Variants in RIN3 observed in about 807,000 individuals in gnomAD.
The protein encoded by RIN3 is RAB5 interacting protein 3.
RIN3 carries 54 observed loss-of-function variants against 76.3 expected under a neutral mutation model. The ratio of observed to expected loss-of-function variants is 0.71; its 90% CI spans 0.57 to 0.89. The LOEUF is 0.89. Among genes scored for constraint, RIN3 ranks in the 40% least tolerant of loss-of-function variants. The pLI is 0.00. For synonymous variants in RIN3, 576 were observed against 564.0 expected (o/e 1.02, Z -0.30); for missense variants, 1,256 against 1,322.1 (o/e 0.95, Z 0.78).
chr14:92,537,190 A>T (rs558838888), intron 1 of RIN3, among the ~76,000 whole-genome samples: 1 of 152,094 alleles, frequency 6.6e-6, no homozygotes, highest in Non-Finnish European at 1.5e-5. Flanking sequence ...ATACTGGTTT[A>T]TATGTATGTA....
intron 4 of RIN3, among the ~76,000 whole-genome samples, chr14:92,619,413 A>T (rs1458172442): frequency 6.8e-6 from 1 of 147,512 alleles, no homozygotes; most frequent in Non-Finnish European, 1.5e-5. Context: ...TATACCTTGC[A>T]TGTAAAACTG....
At chr14:92,662,487 C>A (rs1887927089) in intron 7 of RIN3, among the ~76,000 whole-genome samples, 1 of 152,234 alleles carries the variant, frequency 6.6e-6, no homozygotes, top group Admixed American at 6.5e-5. Flanking sequence ...GCCTCAGTTT[C>A]CTCTTGTGTT....
chr14:92,659,392 A>G lies in RIN3; in HGVS notation c.2258A>G (p.Tyr753Cys), dbSNP rs1887795793. The change falls in exon 7 of 10, where the codon TAC becomes TGC. Residue 753 changes from tyrosine (Y) to cysteine (C), a missense_variant. Around this residue, in one of 3 missense-constraint regions of RIN3, gnomAD observed 428 missense variants for 521.2 expected, o/e 0.82. Coordinates refer to ENST00000216487, the MANE Select transcript of RIN3 (RefSeq NM_024832.5). ...AAGTTCACCAGCATGCACAAGGCCT[A>G]CTCACCTGAGAAGAAGATCTCCATC... Reference protein sequence around the residue: ...LQKFTSMHKAYSPEKKISILL... With the variant: ...LQKFTSMHKACSPEKKISILL... 4.3e-6 allele frequency: 7 copies of G among 1,613,658 alleles called. No homozygotes were observed. The highest frequency in any genetic ancestry group is 5.9e-6 in the Non-Finnish European group (7 of 1,179,748).
intron 3 of RIN3, among the ~76,000 whole-genome samples, chr14:92,612,306 G>T (rs1244733875): frequency 6.6e-6 from 1 of 152,142 alleles, no homozygotes; most frequent in Non-Finnish European, 1.5e-5. Context: ...CAGGACAGGG[G>T]GCAGTCTAGA....
At position 92,627,799 on chromosome 14, in the gene RIN3, G is replaced by A. The variant is rs1886412851; in HGVS notation, c.440+12320G>A. On this transcript the variant is annotated intron_variant, in intron 4 of 9. Coordinates refer to ENST00000216487, the MANE Select transcript of RIN3 (RefSeq NM_024832.5). ...TCCCCAGAGGAGAATGGGAATCCTG[G>A]GCAAGGCCCCAGATTGTTAGAAACA... Among the ~76,000 whole-genome samples, 3 of 152,174 alleles carry A rather than the reference G, an allele frequency of 2.0e-5. No individual in the cohort carries two copies. In the South Asian group the frequency reaches 6.2e-4, roughly 31 times the overall value.
chr14:92,585,062 G>A (rs540325738), intron 3 of RIN3, among the ~76,000 whole-genome samples: 35 of 152,182 alleles, frequency 2.3e-4, no homozygotes, highest in East Asian at 7.7e-4. Context: ...GCTACAGTGC[G>A]GTGGCGCAAT....
intron 1 of RIN3, among the ~76,000 whole-genome samples, chr14:92,523,192 C>G: frequency 6.6e-6 from 1 of 152,120 alleles, no homozygotes; most frequent in East Asian, 1.9e-4. Context: ...CTCACTGCAA[C>G]CTCTGCCTCC....
intron 1 of RIN3, among the ~76,000 whole-genome samples, chr14:92,527,956 G>A (rs902893354): frequency 7.9e-5 from 12 of 151,634 alleles, no homozygotes; most frequent in Non-Finnish European, 1.3e-4. Flanking sequence ...ACTAACAAAC[G>A]TTTGCATGTA....
intron 1 of RIN3, among the ~76,000 whole-genome samples, chr14:92,552,634 T>A (rs892404448): frequency 6.6e-6 from 1 of 152,030 alleles, no homozygotes; most frequent in South Asian, 2.1e-4. Context: ...GGGAGTTTGC[T>A]CTTCCTTCTG....
chr14:92,675,938 A>C (rs9783637), intron 7 of RIN3, among the ~76,000 whole-genome samples: 1,836 of 152,202 alleles, frequency 0.012, 30 homozygotes, highest in African/African-American at 0.042. Context: ...TGATACTTCG[A>C]GGGGTCTTTA....
Position 92,659,411 on chromosome 14 carries a change from C to T in RIN3, c.2277C>T (p.Ile759=), listed in dbSNP as rs114607614. The change falls in exon 7 of 10, where the codon ATC becomes ATT. Residue 759 remains isoleucine, a synonymous_variant. Transcript: ENST00000216487. The stretch of plus-strand genomic sequence containing the variant: ...AGGCCTACTCACCTGAGAAGAAGAT[C>T]TCCATCCTGCTCAAGACCTGCAAAC... The part of the protein sequence containing the change: ...MHKAYSPEKK[I]SILLKTCKLI... 1.2e-6 allele frequency: 2 copies of T among 1,613,430 alleles called. No individual in the cohort carries two copies. The highest frequency in any genetic ancestry group is 4.5e-5 in the East Asian group (2 of 44,888).
chr14:92,639,686 AC>A (rs1429622725), intron 4 of RIN3, among the ~76,000 whole-genome samples: 1 of 152,090 alleles, frequency 6.6e-6, no homozygotes, highest in Admixed American at 6.5e-5. Flanking sequence ...TGGGCTGGCC[AC>A]CCCTTTTCCT....
Position 92,628,668 on chromosome 14 carries a change from C to A in RIN3, c.441-12570C>A, listed in dbSNP as rs902273740. Among the ~76,000 whole-genome samples the A allele has an allele frequency of 4.6e-5, 7 of 152,176 alleles. No homozygotes were observed. The East Asian group carries it at 1.4e-3, about 29-fold the overall frequency. On this transcript the variant is annotated intron_variant, in intron 4 of 9. Transcript: ENST00000216487. The stretch of plus-strand genomic sequence containing the variant: ...TGGAGGCTGGGTGGGTTTCTTTTGC[C>A]CTTAGCCAGTTGAATAGGAGAAGGG...
chr14:92,592,364 G>A (rs1026827459), intron 3 of RIN3, among the ~76,000 whole-genome samples: 72 of 147,528 alleles, frequency 4.9e-4, no homozygotes, highest in Admixed American at 7.5e-4. Flanking sequence ...TCAGGCCATT[G>A]CACTCCAGCC....
At chr14:92,593,605 G>T (rs1350457361) in intron 3 of RIN3, among the ~76,000 whole-genome samples, 1 of 152,074 alleles carries the variant, frequency 6.6e-6, no homozygotes, top group Non-Finnish European at 1.5e-5. Flanking sequence ...ATGAGTTAAT[G>T]GGTGCAGCAC....
At chr14:92,626,822 A>G (rs1886373614) in intron 4 of RIN3, among the ~76,000 whole-genome samples, 1 of 152,046 alleles carries the variant, frequency 6.6e-6, no homozygotes, top group African/African-American at 2.4e-5. Flanking sequence ...GGTTGGTTTT[A>G]CTACGCCTTC....
intron 1 of RIN3, among the ~76,000 whole-genome samples, chr14:92,549,023 G>A (rs1367547875): frequency 1.3e-5 from 2 of 152,036 alleles, no homozygotes; most frequent in Admixed American, 6.5e-5. Flanking sequence ...CTCCCACGCC[G>A]GCCCCTGCAC....
At position 92,688,099 on chromosome 14, in the gene RIN3, G is replaced by A. The variant is rs770623183; in HGVS notation, c.2805G>A (p.Ala935=). 1.9e-6 allele frequency: 3 copies of A among 1,607,246 alleles called. No homozygotes were observed. The highest frequency in any genetic ancestry group is 2.7e-5 in the African/African-American group (2 of 74,848). ...TGGACGGGCGCTGCTTCCAGCTGGCGGACGACGCGCTGCCGCACTGCATCA... is the reference window on the plus strand; with the variant it reads ...TGGACGGGCGCTGCTTCCAGCTGGCAGACGACGCGCTGCCGCACTGCATCA... The part of the protein sequence containing the change: ...VLVDGRCFQL[A]DDALPHCIKG... Residue 935 remains alanine (A), a synonymous_variant, in exon 10 of 10, where the codon GCG becomes GCA. Coordinates refer to ENST00000216487, the MANE Select transcript of RIN3 (RefSeq NM_024832.5).
chr14:92,596,883 C>T (rs1033823416), intron 3 of RIN3, among the ~76,000 whole-genome samples: 2 of 152,100 alleles, frequency 1.3e-5, no homozygotes, highest in African/African-American at 2.4e-5. Context: ...ATGCTGGAGC[C>T]GACTCATGTC....
Sources: gnomAD v4.1 joint callset for allele counts (sites outside exome capture counted in the v4.1 genomes callset) on GRCh38, gnomAD v4.1.1 for gene constraint, gnomAD v4.1.1 regional missense constraint, MANE v1.5 for transcripts, NCBI Gene and HGNC (gene_info 2026-07-23, HGNC 2026-07-21) for gene names.